Variants in HLA-DRB1 observed in about 807,000 individuals in gnomAD.
The protein encoded by HLA-DRB1 is major histocompatibility complex, class II, DR beta 1.
Under a neutral mutation model 27.9 loss-of-function variants are expected in HLA-DRB1, and 10 were observed. The observed-to-expected ratio is 0.36, with a 90% CI of 0.22 to 0.61. The LOEUF (loss-of-function observed/expected upper bound fraction) is 0.61, where lower values mean the gene tolerates loss of function less well. HLA-DRB1 is among the 20% of genes least tolerant of loss of function. The pLI is 0.73. For missense variants in HLA-DRB1, 118 were observed against 306.3 expected (o/e 0.39, Z 4.59); for synonymous variants, 57 against 126.7 (o/e 0.45, Z 3.69).
chr6:32,584,755 C>CCTCA (rs1776150364), intron 1 of HLA-DRB1, among the ~76,000 whole-genome samples: 1 of 74,002 alleles, frequency 1.4e-5, no homozygotes, highest in Non-Finnish European at 2.6e-5. Flanking sequence ...CCGGTACCTT[C>CCTCA]AACAGCACCC....
intron 1 of HLA-DRB1, among the ~76,000 whole-genome samples, 166 bp downstream of exon 1, chr6:32,589,477 C>T (rs879279135): frequency 0.092 from 3,856 of 41,900 alleles, 3 homozygotes; most frequent in Middle Eastern, 0.17. Context: ...GGGCAAGTAC[C>T]CAAGCTCCTT....
chr6:32,589,166 G>A (rs28359866), intron 1 of HLA-DRB1, among the ~76,000 whole-genome samples: 34,778 of 91,184 alleles, frequency 0.38, 3,254 homozygotes, highest in Middle Eastern at 0.45. Context: ...AGGCCACTGG[G>A]TCCATCCTCA....
chr6:32,589,350 A>C (rs9270265), intron 1 of HLA-DRB1, among the ~76,000 whole-genome samples: 100,087 of 136,632 alleles, frequency 0.73, 37,482 homozygotes, highest in Middle Eastern at 0.86. Flanking sequence ...TTTATTTTAG[A>C]ATCCTTATTT....
chr6:32,581,724 A>C (rs707954), exon 3 of HLA-DRB1: 634,282 of 1,221,644 alleles, frequency 0.52, 134,868 homozygotes, highest in Middle Eastern at 0.6. Flanking sequence ...CTGGCCGTTC[A>C]GGAACCACCT....
At chr6:32,586,605 C>A (rs796271959) in intron 1 of HLA-DRB1, among the ~76,000 whole-genome samples, 539 of 48,064 alleles carry the variant, frequency 0.011, 1 homozygote, top group Middle Eastern at 0.054. Context: ...GTATCCTCTT[C>A]CACGCCCTGG....
At chr6:32,580,851 G>C in exon 4 of HLA-DRB1, 1 of 1,462,470 alleles carries the variant, frequency 6.8e-7, no homozygotes, top group Non-Finnish European at 9.4e-7. Flanking sequence ...GATTCAGACC[G>C]TGCTCCTGAG....
In HLA-DRB1 at chr6:32,584,316, A is replaced by T. The variant is rs201128876; in HGVS notation, c.163T>A (p.Phe55Ile). 8.5e-3 allele frequency: 10,825 copies of T among 1,266,344 alleles called. 15 individuals are homozygous for T. The highest frequency in any genetic ancestry group is 0.024 in the East Asian group (937 of 39,188). The allele number at this position is 1,266,344 out of a possible 1,614,324, so 78.4% of individuals were successfully genotyped here. A position where few individuals can be genotyped will look rare whatever the true frequency, so the allele number is the denominator to read the frequency against. Reference sequence around the variant, plus strand: ...TGGTTATAGAAGTATCTGTCCAGGAACCGCACCCGCTCCGTCCCATTGAAG... The same window carrying T: ...TGGTTATAGAAGTATCTGTCCAGGATCCGCACCCGCTCCGTCCCATTGAAG... Residue 55 changes from phenylalanine to isoleucine, a missense_variant, in exon 2 of 6, where the codon TTC becomes ATC. Phe to Ile is a conservative substitution (Grantham distance 21). Transcript: ENST00000360004.
At chr6:32,579,709 G>C (rs186630481) in intron 5 of HLA-DRB1, among the ~76,000 whole-genome samples, 1 of 61,512 alleles carries the variant, frequency 1.6e-5, no homozygotes, top group Non-Finnish European at 3.3e-5. Flanking sequence ...GTGCTGATTG[G>C]TCTATTTTAC....
Position 32,583,923 on chromosome 6 carries a change from T to G in HLA-DRB1, c.370+186A>C, listed in dbSNP as rs564148737. On this transcript the variant is annotated intron_variant, in intron 2 of 5. Transcript: ENST00000360004. ...ACACTTTACACACACACCTGTGCTC[T>G]CAGAACTGCTTGCTCCGGACTGAGA... Among the ~76,000 whole-genome samples the G allele has an allele frequency of 8.6e-3, 528 of 61,252 alleles. 20 individuals carry two copies. Among genetic ancestry groups the G allele is most frequent in the Admixed American group, 0.015 (67 of 4,618 alleles). 40.2% of individuals were successfully genotyped at this position (61,252 alleles called of 152,430 possible).
intron 1 of HLA-DRB1, among the ~76,000 whole-genome samples, chr6:32,584,581 C>G (rs1340264891): frequency 7.0e-6 from 1 of 142,780 alleles, no homozygotes; most frequent in Admixed American, 7.0e-5. Context: ...TGCGGGAAAA[C>G]CCCTTCTCAT....
At position 32,580,728 on chromosome 6, in the gene HLA-DRB1, C is replaced by T. The variant is rs3828816; in HGVS notation, c.763+18G>A. 135,583 of 1,438,256 alleles carry T rather than the reference C, an allele frequency of 0.094. 218 individuals carry two copies. The highest frequency in any genetic ancestry group is 0.1 in the Non-Finnish European group (108,434 of 1,058,254). The allele number at this position is 1,438,256 out of a possible 1,614,324, so 89.1% of individuals were successfully genotyped here. ...CAGAAAAGCCTATGGAGAGAGCCAG[C>T]TCCCAAAGGCTCCTCACCTTTCTGA... On this transcript the variant is annotated intron_variant, in intron 4 of 5. Coordinates refer to ENST00000360004, the Ensembl canonical transcript of HLA-DRB1.
chr6:32,586,763 A>C (rs9270099), intron 1 of HLA-DRB1, among the ~76,000 whole-genome samples: 16,814 of 51,516 alleles, frequency 0.33, 4,619 homozygotes, highest in Middle Eastern at 0.64. Flanking sequence ...CTTTTATTTC[A>C]AACCACCCAC....
At position 32,579,137 on chromosome 6, in the gene HLA-DRB1, C is replaced by T. The variant is rs181125806; in HGVS notation, c.788-33G>A. ...AGACAGAGGAGAGTGTTGTTTTCAA[C>T]CTGGCTCTACTAACAGTTTCTTTTC... On this transcript the variant is annotated intron_variant, in intron 5 of 5. Coordinates refer to ENST00000360004, the Ensembl canonical transcript of HLA-DRB1. 3.2e-3 allele frequency: 2,766 copies of T among 870,628 alleles called. 126 individuals carry two copies. Among genetic ancestry groups the T allele is most frequent in the Admixed American group, 8.8e-3 (181 of 20,554 alleles). 53.9% of individuals were successfully genotyped at this position (870,628 alleles called of 1,614,324 possible).
intron 1 of HLA-DRB1, among the ~76,000 whole-genome samples, chr6:32,589,093 A>AT (rs1561841946): frequency 1.1e-5 from 1 of 87,710 alleles, no homozygotes; most frequent in Non-Finnish European, 2.4e-5. Context: ...ACCTACATAC[A>AT]CTACAGGGAT....
rs114817791 is a variant in HLA-DRB1, at chr6:32,584,997, G to A, written c.101-619C>T. Among the ~76,000 whole-genome samples the A allele has an allele frequency of 2.3e-3, 122 of 52,232 alleles. 6 individuals carry two copies. Among genetic ancestry groups the A allele is most frequent in the South Asian group, 3.0e-3 (5 of 1,644 alleles). 34.3% of individuals were successfully genotyped at this position (52,232 alleles called of 152,430 possible). A position where few individuals can be genotyped will look rare whatever the true frequency, so the allele number is the denominator to read the frequency against. ...AATAGAAGATTCCCAGTTAAATTTG[G>A]ATTTCCAATAAATTATGGTTGTGTA... On this transcript the variant is annotated intron_variant, in intron 1 of 5. Transcript: ENST00000360004.
intron 1 of HLA-DRB1, among the ~76,000 whole-genome samples, chr6:32,585,231 T>C (rs35631341): frequency 0.18 from 13,310 of 75,310 alleles, 3,452 homozygotes; most frequent in Non-Finnish European, 0.19. Flanking sequence ...TGCATTTCTG[T>C]CCCCACTCTA....
intron 2 of HLA-DRB1, among the ~76,000 whole-genome samples, chr6:32,582,930 G>A (rs28724024): frequency 0.059 from 5,062 of 85,170 alleles, no homozygotes; most frequent in Admixed American, 0.1. Flanking sequence ...GATTTCAGAT[G>A]GATTGTAGAT....
chr6:32,579,050 C>T (rs749335421), exon 6 of HLA-DRB1: 2 of 636,226 alleles, frequency 3.1e-6, no homozygotes, highest in African/African-American at 3.3e-5. Context: ...TCCTGCAAAG[C>T]CGGGGCAGAA....
chr6:32,582,629 T>C (rs202127825), intron 2 of HLA-DRB1, among the ~76,000 whole-genome samples: 15,100 of 101,178 alleles, frequency 0.15, 2,868 homozygotes, highest in Admixed American at 0.16. Context: ...GCATGAGTCC[T>C]GAAGCAGAGA....
Sources: allele counts gnomAD v4.1 joint callset (sites outside exome capture counted in the v4.1 genomes callset), GRCh38; gene constraint gnomAD v4.1.1; transcripts MANE v1.5; gene names NCBI Gene and HGNC (gene_info 2026-07-23, HGNC 2026-07-21).